The following LDLRAD4 variants were observed in gnomAD, a reference collection of about 807,000 sequenced individuals.
The protein encoded by LDLRAD4 is low density lipoprotein receptor class A domain containing 4.
In LDLRAD4, 5 loss-of-function variants were observed where a neutral mutation model predicts 17.0. That is an observed-to-expected ratio of 0.29 (90% CI 0.15 to 0.62). LDLRAD4 has a LOEUF of 0.62. Among genes scored for constraint, LDLRAD4 ranks in the 20% least tolerant of loss-of-function variants. The pLI is 0.84. For synonymous variants in LDLRAD4, 168 were observed against 171.8 expected (o/e 0.98, Z 0.17); for missense variants, 340 against 424.7 (o/e 0.80, Z 1.75).
chr18:13,318,439 T>G (rs1405270489), intron 1 of LDLRAD4, among the ~76,000 whole-genome samples: 2 of 152,100 alleles, frequency 1.3e-5, no homozygotes, highest in Non-Finnish European at 2.9e-5. Flanking sequence ...TTTTTGTATT[T>G]TTAGTAGAGA....
chr18:13,394,426 G>T (rs2086501400), intron 2 of LDLRAD4, among the ~76,000 whole-genome samples: 1 of 152,150 alleles, frequency 6.6e-6, no homozygotes, highest in Middle Eastern at 3.4e-3. Flanking sequence ...TTATTTTAAG[G>T]TTACTTGAGT....
At chr18:13,632,847 C>G (rs932394935) in intron 4 of LDLRAD4, among the ~76,000 whole-genome samples, 1 of 152,256 alleles carries the variant, frequency 6.6e-6, no homozygotes, top group Non-Finnish European at 1.5e-5. Context: ...GACTGGATAG[C>G]TCCTTTCTGT....
chr18:13,441,477 G>A (rs895281998), intron 3 of LDLRAD4, among the ~76,000 whole-genome samples: 3 of 152,214 alleles, frequency 2.0e-5, no homozygotes, highest in Admixed American at 2.0e-4. Flanking sequence ...TGGCTTGTGT[G>A]ATCTATGTCA....
At chr18:13,640,773 ACT>A (rs1218140961) in intron 4 of LDLRAD4, among the ~76,000 whole-genome samples, 2 of 151,560 alleles carry the variant, frequency 1.3e-5, no homozygotes, top group Non-Finnish European at 2.9e-5. Flanking sequence ...GGCCTCAGGA[ACT>A]CTCTGTGGGA....
chr18:13,517,801 C>T (rs561005953), intron 3 of LDLRAD4, among the ~76,000 whole-genome samples: 4 of 152,120 alleles, frequency 2.6e-5, no homozygotes, highest in Admixed American at 2.0e-4. Flanking sequence ...TGCAGTGGTG[C>T]GATCTCAGCT....
chr18:13,344,259 A>T (rs923040640), intron 1 of LDLRAD4, among the ~76,000 whole-genome samples: 1 of 152,192 alleles, frequency 6.6e-6, no homozygotes, highest in Non-Finnish European at 1.5e-5. Flanking sequence ...TAATTTTTGT[A>T]TAAGGTGTAA....
intron 4 of LDLRAD4, among the ~76,000 whole-genome samples, chr18:13,642,917 A>G (rs1192861962): frequency 2.9e-5 from 4 of 138,242 alleles, no homozygotes; most frequent in South Asian, 4.6e-4. Context: ...TTGTTTGTTT[A>G]TCTATTTTTT....
intron 3 of LDLRAD4, chr18:13,612,402 C>T: frequency 8.3e-7 from 1 of 1,209,422 alleles, no homozygotes; most frequent in Non-Finnish European, 1.0e-6. Flanking sequence ...CGGCTTCCTG[C>T]CGCAGAGCTC....
At chr18:13,284,758 C>T (rs72869867) in intron 1 of LDLRAD4, among the ~76,000 whole-genome samples, 1,716 of 152,340 alleles carry the variant, frequency 0.011, 26 homozygotes, top group South Asian at 0.026. Flanking sequence ...GTCCGTTTTC[C>T]GCCTTCCTGC....
intron 2 of LDLRAD4, among the ~76,000 whole-genome samples, chr18:13,407,573 G>A (rs1422865808): frequency 1.3e-5 from 2 of 152,242 alleles, no homozygotes; most frequent in African/African-American, 2.4e-5. Flanking sequence ...GGTTACCTGA[G>A]GGTACTAACA....
At chr18:13,401,370 G>GAAAA (rs10575892) in intron 2 of LDLRAD4, among the ~76,000 whole-genome samples, 1 of 142,342 alleles carries the variant, frequency 7.0e-6, no homozygotes. Flanking sequence ...TCATCGCTTT[G>GAAAA]AAAAAAAAAA....
chr18:13,639,484 G>A (rs1011113031), intron 4 of LDLRAD4, among the ~76,000 whole-genome samples: 5 of 152,254 alleles, frequency 3.3e-5, no homozygotes, highest in African/African-American at 4.8e-5. Context: ...CGGTGACCTT[G>A]CCAACAATCA....
chr18:13,435,461 T>C (rs1448872845), intron 2 of LDLRAD4, among the ~76,000 whole-genome samples: 1 of 152,142 alleles, frequency 6.6e-6, no homozygotes, highest in Admixed American at 6.5e-5. Flanking sequence ...TTTTTAATTT[T>C]TTAGAGACTG....
intron 3 of LDLRAD4, among the ~76,000 whole-genome samples, chr18:13,438,862 G>A (rs962384437): frequency 2.6e-5 from 4 of 152,236 alleles, no homozygotes; most frequent in Non-Finnish European, 5.9e-5. Flanking sequence ...TGACATGTGT[G>A]AATCCCCAAG....
At chr18:13,288,184 A>G (rs1348074291) in intron 1 of LDLRAD4, among the ~76,000 whole-genome samples, 4 of 152,248 alleles carry the variant, frequency 2.6e-5, no homozygotes, top group African/African-American at 9.6e-5. Context: ...TGGCAGTTTT[A>G]TAATCCTCTA....
intron 3 of LDLRAD4, among the ~76,000 whole-genome samples, chr18:13,460,511 A>G (rs1256237492): frequency 6.6e-6 from 1 of 152,274 alleles, no homozygotes; most frequent in Non-Finnish European, 1.5e-5. Context: ...GTTTTAGAGC[A>G]GTCCATTAGA....
In LDLRAD4 at chr18:13,440,737, A is replaced by G. The variant is rs762278272; in HGVS notation, c.181+2353A>G. Among the ~76,000 whole-genome samples, 1 of 152,182 alleles carries G rather than the reference A, an allele frequency of 6.6e-6. No individual in the cohort carries two copies. The highest frequency in any genetic ancestry group is 1.5e-5 in the Non-Finnish European group (1 of 68,022). Reference sequence around the variant, plus strand: ...AGAACGTCCATGGGAAACACAGTCTATGTCATCGTGTTGCAGTTGCCATCT... The same window carrying G: ...AGAACGTCCATGGGAAACACAGTCTGTGTCATCGTGTTGCAGTTGCCATCT... On this transcript the variant is annotated intron_variant, in intron 3 of 5. Transcript: ENST00000359446. The surrounding 1 kb of genome is among the most constrained non-coding windows in gnomAD (Gnocchi z 4.4).
Position 13,457,661 on chromosome 18 carries a change from G to A in LDLRAD4, c.181+19277G>A, listed in dbSNP as rs11080655. 1.8e-4 allele frequency among the ~76,000 whole-genome samples: 27 copies of A among 152,322 alleles called. No homozygotes were observed. In the East Asian group the frequency reaches 4.2e-3, roughly 24 times the overall value. The stretch of plus-strand genomic sequence containing the variant: ...CAGGGCTGTGGGGTACACAAGCCAG[G>A]TGCCGTGGAGGAAAGCCTGTAGATA... On this transcript the variant is annotated intron_variant, in intron 3 of 5. Transcript: ENST00000359446.
At chr18:13,238,824 T>C (rs1169673377) in intron 1 of LDLRAD4, among the ~76,000 whole-genome samples, 1 of 152,142 alleles carries the variant, frequency 6.6e-6, no homozygotes, top group South Asian at 2.1e-4. Context: ...CTGAGATGCC[T>C]CCTGCTCCTA....
Sources: allele counts gnomAD v4.1 joint callset (sites outside exome capture counted in the v4.1 genomes callset), GRCh38; gene constraint gnomAD v4.1.1; non-coding constraint Gnocchi (gnomAD v3.1); transcripts MANE v1.5; gene names NCBI Gene and HGNC (gene_info 2026-07-23, HGNC 2026-07-21).